Variants in PARD3B observed in about 807,000 individuals in gnomAD.
PARD3B encodes par-3 family cell polarity regulator beta.
In PARD3B, 103 loss-of-function variants were observed where a neutral mutation model predicts 130.2. The ratio of observed to expected loss-of-function variants is 0.79; its 90% CI spans 0.67 to 0.93. The LOEUF is 0.93. Among genes scored for constraint, PARD3B ranks in the 40% least tolerant of loss-of-function variants. The pLI, the probability that PARD3B is intolerant of heterozygous loss-of-function variation, is 0.00. For missense variants in PARD3B, 1,609 were observed against 1,499.2 expected, an observed-to-expected ratio of 1.07 and a Z score of -1.21; for synonymous variants, 583 against 553.2, an observed-to-expected ratio of 1.05 and a Z score of -0.76.
intron 21 of PARD3B, among the ~76,000 whole-genome samples, chr2:205,508,577 A>G (rs1222122744): frequency 2.7e-3 from 6 of 2,202 alleles, no homozygotes; most frequent in South Asian, 0.17. Context: ...TTCTCCAAGA[A>G]AAAAAAAAAA....
intron 10 of PARD3B, among the ~76,000 whole-genome samples, chr2:205,134,735 T>A (rs1457612299): frequency 6.6e-6 from 1 of 152,170 alleles, no homozygotes; most frequent in Non-Finnish European, 1.5e-5. Context: ...TCTACTGAAC[T>A]ATTGTCAGCA....
intron 1 of PARD3B, among the ~76,000 whole-genome samples, chr2:204,620,875 G>A (rs543560538): frequency 5.3e-5 from 8 of 152,142 alleles, no homozygotes; most frequent in South Asian, 2.1e-4. Context: ...AAGAAGTTGC[G>A]TCCGTTATTC....
Position 205,435,622 on chromosome 2 carries a change from C to G in PARD3B, c.2742-4748C>G, listed in dbSNP as rs370987707. Among the ~76,000 whole-genome samples the G allele has an allele frequency of 1.2e-4, 18 of 151,856 alleles. 1 individual carries two copies. Among genetic ancestry groups the G allele is most frequent in the Admixed American group, 9.8e-4 (15 of 15,242 alleles). Reference sequence around the variant, plus strand: ...TCTTTGTAATTATATTTAATATATTCAAACCTCTGTTTCTTGATGTATCAA... The same window carrying G: ...TCTTTGTAATTATATTTAATATATTGAAACCTCTGTTTCTTGATGTATCAA... On this transcript the variant is annotated intron_variant, in intron 19 of 22. Coordinates refer to ENST00000406610, the MANE Select transcript of PARD3B (RefSeq NM_001302769.2).
intron 20 of PARD3B, among the ~76,000 whole-genome samples, chr2:205,482,387 G>A (rs1448928874): frequency 4.6e-5 from 7 of 152,222 alleles, no homozygotes; most frequent in East Asian, 3.9e-4. Context: ...GGTACAAACC[G>A]GATTGTCATC....
chr2:205,484,563 T>G (rs1268628491), intron 20 of PARD3B, among the ~76,000 whole-genome samples: 2 of 152,182 alleles, frequency 1.3e-5, no homozygotes, highest in Non-Finnish European at 2.9e-5. Flanking sequence ...CTGTAGTTTT[T>G]ATTTTTCATG....
chr2:204,771,377 A>G (rs1161229880), intron 2 of PARD3B, among the ~76,000 whole-genome samples: 1 of 152,066 alleles, frequency 6.6e-6, no homozygotes, highest in Non-Finnish European at 1.5e-5. Context: ...CTTTGCTTTC[A>G]GGGAGCCTTG....
chr2:205,254,307 T>G (rs1350738016), intron 16 of PARD3B, among the ~76,000 whole-genome samples: 1 of 152,010 alleles, frequency 6.6e-6, no homozygotes, highest in African/African-American at 2.4e-5. Flanking sequence ...GAAGTACACA[T>G]TAAATACTCA....
intron 1 of PARD3B, among the ~76,000 whole-genome samples, chr2:204,682,438 T>G (rs1184446387): frequency 4.6e-5 from 7 of 152,196 alleles, no homozygotes; most frequent in Non-Finnish European, 1.0e-4. Flanking sequence ...ATAGTACCTA[T>G]AGTACCTGAC....
Position 205,253,168 on chromosome 2 carries a change from T to A in PARD3B, c.2185+7346T>A, listed in dbSNP as rs112839803. ...TCCAGTGTTTGGGTTTAGCTCCAAC[T>A]TACAGGTTAGGACCAGCTTTTCTGC... On this transcript the variant is annotated intron_variant, in intron 16 of 22. Transcript: ENST00000406610. The surrounding 1 kb of genome is among the most constrained non-coding windows in gnomAD (Gnocchi z 4.4). 1 of 366,676 alleles carries A rather than the reference T, an allele frequency of 2.7e-6. No homozygotes were observed. The allele number at this position is 366,676 out of a possible 1,614,324, so 22.7% of individuals were successfully genotyped here. A position where few individuals can be genotyped will look rare whatever the true frequency, so the allele number is the denominator to read the frequency against.
At chr2:204,844,803 G>A (rs778588727) in intron 2 of PARD3B, among the ~76,000 whole-genome samples, 18 of 152,000 alleles carry the variant, frequency 1.2e-4, no homozygotes, top group Non-Finnish European at 2.2e-4. Flanking sequence ...TGAAAAAGTT[G>A]TACGTTTTAT....
chr2:204,877,189 A>G (rs564403434), intron 2 of PARD3B, among the ~76,000 whole-genome samples: 2 of 152,298 alleles, frequency 1.3e-5, no homozygotes, highest in Non-Finnish European at 2.9e-5. Context: ...TGGGAACTGA[A>G]CAATGAGAAC....
chr2:205,070,575 G>C (rs62173547), intron 4 of PARD3B, among the ~76,000 whole-genome samples: 34,753 of 151,884 alleles, frequency 0.23, 4,561 homozygotes, highest in South Asian at 0.46. Context: ...TTGCTTAAAT[G>C]TAAGTTAAAC....
At chr2:204,909,789 A>G (rs2047167752) in intron 2 of PARD3B, among the ~76,000 whole-genome samples, 1 of 152,164 alleles carries the variant, frequency 6.6e-6, no homozygotes, top group African/African-American at 2.4e-5. Flanking sequence ...GACTTTTGAA[A>G]TCATCATTTT....
rs1053456454 is a variant in PARD3B, at chr2:204,943,508, G to C, written c.223-21644G>C. Among the ~76,000 whole-genome samples, 6 of 152,092 alleles carry C rather than the reference G, an allele frequency of 3.9e-5. No individual in the cohort carries two copies. ...CTGGTTTACTGCCCCTTGCCCAGTG[G>C]TTATATGTGTGCCAGGTTTGAGGAT... On this transcript the variant is annotated intron_variant, in intron 2 of 22. Coordinates refer to ENST00000406610, the MANE Select transcript of PARD3B (RefSeq NM_001302769.2). The surrounding 1 kb of genome is among the most constrained non-coding windows in gnomAD (Gnocchi z 4.2).
chr2:204,719,047 T>G (rs921728468), intron 2 of PARD3B, among the ~76,000 whole-genome samples: 2 of 152,204 alleles, frequency 1.3e-5, no homozygotes, highest in Non-Finnish European at 2.9e-5. Flanking sequence ...AGTGGAGAGA[T>G]AACAGTTAAT....
At chr2:205,311,323 G>A (rs1050836785) in intron 18 of PARD3B, among the ~76,000 whole-genome samples, 1 of 152,022 alleles carries the variant, frequency 6.6e-6, no homozygotes, top group African/African-American at 2.4e-5. Context: ...CATCCTTGCC[G>A]ACACTTATCT....
intron 2 of PARD3B, among the ~76,000 whole-genome samples, chr2:204,765,656 T>C (rs953105621): frequency 6.6e-6 from 1 of 152,192 alleles, no homozygotes; most frequent in African/African-American, 2.4e-5. Context: ...AAAAAAAAAT[T>C]CAGCCTGAAA....
At chr2:205,254,857 G>T in intron 16 of PARD3B, among the ~76,000 whole-genome samples, 1 of 151,400 alleles carries the variant, frequency 6.6e-6, no homozygotes, top group Non-Finnish European at 1.5e-5. Context: ...GTAGAGACGG[G>T]GTTTCACCAT....
At chr2:204,975,962 C>G (rs1221440512) in intron 3 of PARD3B, among the ~76,000 whole-genome samples, 1 of 152,174 alleles carries the variant, frequency 6.6e-6, no homozygotes, top group Non-Finnish European at 1.5e-5. Context: ...CCTTCCTTGA[C>G]TGCCTTGTTG....
Sources: gnomAD v4.1 joint callset for allele counts (sites outside exome capture counted in the v4.1 genomes callset) on GRCh38, gnomAD v4.1.1 for gene constraint, Gnocchi (gnomAD v3.1) non-coding constraint, MANE v1.5 for transcripts, NCBI Gene and HGNC (gene_info 2026-07-23, HGNC 2026-07-21) for gene names.